Variants in RPS6KC1 observed in about 807,000 individuals in gnomAD.
RPS6KC1 encodes the protein ribosomal protein S6 kinase C1.
Under a neutral mutation model 103.8 loss-of-function variants are expected in RPS6KC1, and 54 were observed. The observed-to-expected ratio is 0.52, with a 90% CI of 0.42 to 0.65. The LOEUF (loss-of-function observed/expected upper bound fraction) is 0.65. Ranked by LOEUF, RPS6KC1 falls within the 30% of genes least tolerant of loss-of-function variation. The pLI is 0.00. For synonymous variants in RPS6KC1, 439 were observed against 438.7 expected (o/e 1.00, Z -0.01); for missense variants, 1,151 against 1,253.8 (o/e 0.92, Z 1.24).
At chr1:213,427,140 GA>G in the RPS6KC1 span, among the ~76,000 whole-genome samples, 1 of 152,196 alleles carries the variant, frequency 6.6e-6, no homozygotes. Context: ...CAGGCTTCCA[GA>G]AGTCAGTTCT....
intron 1 of RPS6KC1, 134 bp from the exon 2 acceptor site, chr1:213,070,872 G>A (rs895795782): frequency 1.8e-6 from 1 of 567,512 alleles, no homozygotes; most frequent in Non-Finnish European, 3.1e-6. Context: ...GCTGAGTTTT[G>A]GATAAATGAT....
At chr1:213,283,592 G>C in the RPS6KC1 span, among the ~76,000 whole-genome samples, 1 of 152,160 alleles carries the variant, frequency 6.6e-6, no homozygotes, top group Non-Finnish European at 1.5e-5. Flanking sequence ...GGTGGAAGGT[G>C]TTTTGCCCAC....
At chr1:213,097,121 C>T (rs1227701794) in intron 3 of RPS6KC1, among the ~76,000 whole-genome samples, 2 of 152,058 alleles carry the variant, frequency 1.3e-5, no homozygotes, top group East Asian at 3.9e-4. Context: ...TTTGGGAGGC[C>T]AAGGCGGGTG....
chr1:213,297,794 T>C, the RPS6KC1 span, among the ~76,000 whole-genome samples: 15 of 152,092 alleles, frequency 9.9e-5, no homozygotes, highest in Non-Finnish European at 2.2e-4. Flanking sequence ...AAAAATAAAA[T>C]ATTTTTGTGG....
At chr1:213,246,797 T>A (rs994275794) in intron 12 of RPS6KC1, among the ~76,000 whole-genome samples, 1 of 151,706 alleles carries the variant, frequency 6.6e-6, no homozygotes. Flanking sequence ...GAGGATTGCT[T>A]GAGGCTGTGA....
chr1:213,361,263 G>A, the RPS6KC1 span, among the ~76,000 whole-genome samples: 1 of 152,224 alleles, frequency 6.6e-6, no homozygotes, highest in Non-Finnish European at 1.5e-5. Context: ...AATGGCAGGC[G>A]CCCTCCCCCA....
At chr1:213,400,193 T>A in the RPS6KC1 span, among the ~76,000 whole-genome samples, 5 of 151,868 alleles carry the variant, frequency 3.3e-5, no homozygotes, top group Non-Finnish European at 7.4e-5. Flanking sequence ...TGGAGGTAGA[T>A]CCCAGGAAGG....
chr1:213,078,568 A>C (rs951616716), intron 3 of RPS6KC1, among the ~76,000 whole-genome samples: 7 of 151,942 alleles, frequency 4.6e-5, no homozygotes, highest in African/African-American at 1.7e-4. Flanking sequence ...CACCTGGCTA[A>C]TTTTTGTATT....
the RPS6KC1 span, among the ~76,000 whole-genome samples, chr1:213,294,933 G>A: frequency 6.6e-5 from 10 of 152,068 alleles, 1 homozygote; most frequent in South Asian, 4.2e-4. Flanking sequence ...AATGGAGAAG[G>A]GAAAAGATAG....
At chr1:213,739,373 T>C in the RPS6KC1 span, among the ~76,000 whole-genome samples, 1 of 152,198 alleles carries the variant, frequency 6.6e-6, no homozygotes, top group African/African-American at 2.4e-5. Context: ...AGTAGGCTAT[T>C]AGTAGTTAAG....
intron 8 of RPS6KC1, among the ~76,000 whole-genome samples, chr1:213,229,282 T>C (rs970217879): frequency 1.3e-5 from 2 of 152,212 alleles, no homozygotes; most frequent in African/African-American, 2.4e-5. Context: ...CTTCCTTGTT[T>C]CTTCTCACCT....
chr1:213,271,224 A>G (rs2095040200), intron 14 of RPS6KC1, among the ~76,000 whole-genome samples: 1 of 152,236 alleles, frequency 6.6e-6, no homozygotes. Context: ...GGACATCCAA[A>G]CAGTGGAATA....
intron 3 of RPS6KC1, among the ~76,000 whole-genome samples, chr1:213,096,083 G>T (rs2081424076): frequency 6.6e-6 from 1 of 152,210 alleles, no homozygotes; most frequent in African/African-American, 2.4e-5. Context: ...AGTCCTCTCA[G>T]ATCCTGTGAC....
the RPS6KC1 span, among the ~76,000 whole-genome samples, chr1:213,540,630 C>T: frequency 2.0e-5 from 3 of 152,168 alleles, no homozygotes; most frequent in Non-Finnish European, 4.4e-5. Context: ...GGATTGCAGG[C>T]ATGAGCCACC....
At chr1:213,859,435 G>A in the RPS6KC1 span, among the ~76,000 whole-genome samples, 1 of 152,314 alleles carries the variant, frequency 6.6e-6, no homozygotes, top group African/African-American at 2.4e-5. Context: ...TCTAGGTCAA[G>A]CAACAGCAAA....
At chr1:213,691,184 A>G in the RPS6KC1 span, among the ~76,000 whole-genome samples, 2 of 152,302 alleles carry the variant, frequency 1.3e-5, no homozygotes, top group African/African-American at 4.8e-5. Flanking sequence ...AAGGTACCCT[A>G]TCTTTTGCTG....
At chr1:213,717,126 G>C in the RPS6KC1 span, among the ~76,000 whole-genome samples, 3 of 152,152 alleles carry the variant, frequency 2.0e-5, no homozygotes, top group African/African-American at 7.2e-5. Flanking sequence ...AAAATGAATA[G>C]GGCACTAGAT....
At chr1:213,107,853 C>A (rs1394741028) in intron 4 of RPS6KC1, among the ~76,000 whole-genome samples, 1 of 152,148 alleles carries the variant, frequency 6.6e-6, no homozygotes, top group Non-Finnish European at 1.5e-5. Context: ...GGCATTTCAC[C>A]ATAGTATTAA....
the RPS6KC1 span, among the ~76,000 whole-genome samples, chr1:213,512,771 C>T: frequency 6.6e-6 from 1 of 152,160 alleles, no homozygotes; most frequent in African/African-American, 2.4e-5. Context: ...TACAGAGACT[C>T]AACTGCCAAA....
Sources: allele counts gnomAD v4.1 joint callset (sites outside exome capture counted in the v4.1 genomes callset), GRCh38; gene constraint gnomAD v4.1.1; transcripts MANE v1.5; gene names NCBI Gene and HGNC (gene_info 2026-07-23, HGNC 2026-07-21).